The following PDE4D variants were observed in gnomAD, a reference collection of about 807,000 sequenced individuals.
PDE4D encodes the protein phosphodiesterase 4D, also known as 3',5'-cyclic-AMP phosphodiesterase 4D.
Under a neutral mutation model 87.4 loss-of-function variants are expected in PDE4D, and 24 were observed. That is an observed-to-expected ratio of 0.27 (90% CI 0.20 to 0.39). The LOEUF (loss-of-function observed/expected upper bound fraction) is 0.39, where lower values mean the gene tolerates loss of function less well. Among genes scored for constraint, PDE4D ranks in the 10% least tolerant of loss-of-function variants. The pLI is 1.00. For missense variants in PDE4D, 714 were observed against 1,041.0 expected, an observed-to-expected ratio of 0.69 and a Z score of 4.32; for synonymous variants, 384 against 383.2, an observed-to-expected ratio of 1.00 and a Z score of -0.02.
At chr5:60,359,835 T>C (rs919472326) in intron 1 of PDE4D, among the ~76,000 whole-genome samples, 1 of 152,206 alleles carries the variant, frequency 6.6e-6, no homozygotes, top group Non-Finnish European at 1.5e-5. Context: ...CTTATCCATC[T>C]ACCCCCACAA....
intron 1 of PDE4D, among the ~76,000 whole-genome samples, chr5:60,323,840 G>A (rs1381748818): frequency 6.6e-6 from 1 of 151,678 alleles, no homozygotes; most frequent in Non-Finnish European, 1.5e-5. Flanking sequence ...GCCCTGATCT[G>A]CTACAGGGTT....
chr5:60,458,386 C>CAAA (rs61006284), intron 1 of PDE4D, among the ~76,000 whole-genome samples: 66 of 75,050 alleles, frequency 8.8e-4, no homozygotes, highest in East Asian at 2.4e-3. Context: ...GACTTCATTG[C>CAAA]AAAAAAAAAA....
At chr5:60,235,370 A>G (rs2149639063) in intron 1 of PDE4D, among the ~76,000 whole-genome samples, 1 of 152,056 alleles carries the variant, frequency 6.6e-6, no homozygotes, top group South Asian at 2.1e-4. Context: ...GATATCTTCT[A>G]TAGTATAATG....
At chr5:60,196,018 C>T (rs1487011705) in intron 1 of PDE4D, among the ~76,000 whole-genome samples, 2 of 151,558 alleles carry the variant, frequency 1.3e-5, no homozygotes, top group African/African-American at 2.4e-5. Context: ...CTGTAAATGA[C>T]CATTGAATGA....
chr5:59,584,087 C>T lies in PDE4D; in HGVS notation c.455+309081G>A, dbSNP rs116690815. Among the ~76,000 whole-genome samples, 525 of 152,248 alleles carry T rather than the reference C, an allele frequency of 3.4e-3. 3 individuals are homozygous for T. Among genetic ancestry groups the T allele is most frequent in the African/African-American group, 0.012 (489 of 41,550 alleles). ...TTTGGAGATGAAAAGAGCAATTTGG[C>T]GAGACCTTTATTCTAAGCACGATAA... On this transcript the variant is annotated intron_variant, in intron 1 of 14. Coordinates refer to ENST00000340635, the MANE Select transcript of PDE4D (RefSeq NM_001104631.2).
rs182443935 is a variant in PDE4D at position 59,445,768 on chromosome 5, C to T, written c.456-229800G>A. 5.3e-5 allele frequency among the ~76,000 whole-genome samples: 8 copies of T among 152,200 alleles called. No individual in the cohort carries two copies. The East Asian group carries it at 9.7e-4, about 18-fold the overall frequency. ...ATTTATTTATTTATTTATTTACCTACCTATATGGGGAAACAGGATATAATT... is the reference window on the plus strand; with the variant it reads ...ATTTATTTATTTATTTATTTACCTATCTATATGGGGAAACAGGATATAATT... On this transcript the variant is annotated intron_variant, in intron 1 of 14. Transcript: ENST00000340635.
At chr5:60,418,431 C>T (rs547322727) in intron 1 of PDE4D, among the ~76,000 whole-genome samples, 2 of 152,186 alleles carry the variant, frequency 1.3e-5, no homozygotes, top group South Asian at 4.1e-4. Context: ...GGAAAATCAA[C>T]CACAGCAACC....
intron 2 of PDE4D, among the ~76,000 whole-genome samples, chr5:60,071,809 C>T (rs1016533824): frequency 1.3e-4 from 20 of 152,096 alleles, no homozygotes; most frequent in African/African-American, 4.6e-4. Context: ...CTAAAGATAA[C>T]AGCCTCCAGC....
At chr5:60,072,774 C>A (rs180748612) in intron 2 of PDE4D, among the ~76,000 whole-genome samples, 2 of 152,046 alleles carry the variant, frequency 1.3e-5, no homozygotes, top group East Asian at 1.9e-4. Context: ...GTCCTTTCCC[C>A]TTTGCTTTGT....
intron 1 of PDE4D, among the ~76,000 whole-genome samples, chr5:59,324,289 C>T (rs1561957641): frequency 6.6e-6 from 1 of 152,120 alleles, no homozygotes; most frequent in Non-Finnish European, 1.5e-5. Context: ...TATGGGTAGC[C>T]TACCCAAGAG....
At chr5:60,502,576 A>G (rs1750136612) in intron 1 of PDE4D, among the ~76,000 whole-genome samples, 1 of 152,060 alleles carries the variant, frequency 6.6e-6, no homozygotes, top group Non-Finnish European at 1.5e-5. Flanking sequence ...TGTAGACCAG[A>G]GCTGTTCCTA....
chr5:60,025,751 T>A (rs1766556098), intron 2 of PDE4D, among the ~76,000 whole-genome samples: 1 of 151,724 alleles, frequency 6.6e-6, no homozygotes, highest in Admixed American at 6.6e-5. Context: ...CATCATGATT[T>A]AAAAAAAACC....
intron 1 of PDE4D, among the ~76,000 whole-genome samples, chr5:59,767,063 A>G (rs1208761274): frequency 6.6e-6 from 1 of 152,048 alleles, no homozygotes; most frequent in African/African-American, 2.4e-5. Context: ...TATAACATCA[A>G]TGCATTCCTG....
chr5:59,108,906 C>CA lies in PDE4D; in HGVS notation c.809-69936dup, dbSNP rs57209544. 3.3e-3 allele frequency among the ~76,000 whole-genome samples: 285 copies of CA among 86,382 alleles called. 20 individuals carry two copies. Among genetic ancestry groups the CA allele is most frequent in the African/African-American group, 9.7e-3 (209 of 21,610 alleles). 56.7% of individuals were successfully genotyped at this position (86,382 alleles called of 152,430 possible). A position where few individuals can be genotyped will look rare whatever the true frequency, so the allele number is the denominator to read the frequency against. ...TGGGTGACAGAGTGAGATTCCTTCT[C>CA]AAAAAAAAAAAAGAAAGAAATTAAA... On this transcript the variant is annotated intron_variant, in intron 5 of 14. Coordinates refer to ENST00000340635, the MANE Select transcript of PDE4D (RefSeq NM_001104631.2).
At chr5:59,290,566 TGGACAAATG>T (rs1767827505) in intron 1 of PDE4D, among the ~76,000 whole-genome samples, 1 of 151,772 alleles carries the variant, frequency 6.6e-6, no homozygotes, top group South Asian at 2.1e-4. Flanking sequence ...AAAGCAAAAA[TGGACAAATG>T]GGACAAATAG....
intron 1 of PDE4D, among the ~76,000 whole-genome samples, chr5:60,249,259 T>TC (rs1483158298): frequency 6.6e-6 from 1 of 152,040 alleles, no homozygotes; most frequent in African/African-American, 2.4e-5. Context: ...TGGGCCCATT[T>TC]CCCTCTCATG....
At chr5:59,612,599 A>G (rs775996307) in intron 1 of PDE4D, among the ~76,000 whole-genome samples, 19 of 152,322 alleles carry the variant, frequency 1.2e-4, no homozygotes, top group South Asian at 2.1e-4. Context: ...TGAAATCTAT[A>G]TAAGGATTAT....
intron 2 of PDE4D, among the ~76,000 whole-genome samples, chr5:60,076,563 C>A (rs994404234): frequency 6.6e-6 from 1 of 152,122 alleles, no homozygotes; most frequent in African/African-American, 2.4e-5. Flanking sequence ...AGTTGACTGG[C>A]TCAATTTCTG....
chr5:60,455,629 A>G (rs545932940), intron 1 of PDE4D, among the ~76,000 whole-genome samples: 17 of 152,314 alleles, frequency 1.1e-4, no homozygotes, highest in Middle Eastern at 3.4e-3. Flanking sequence ...TCCAGTATTC[A>G]AGGAGACAAC....
Sources: allele counts gnomAD v4.1 joint callset (sites outside exome capture counted in the v4.1 genomes callset), GRCh38; gene constraint gnomAD v4.1.1; transcripts MANE v1.5; gene names NCBI Gene and HGNC (gene_info 2026-07-23, HGNC 2026-07-21).